Variants in ZNF215 observed in about 807,000 individuals in gnomAD.
ZNF215 encodes the protein zinc finger protein 215.
Under a neutral mutation model 27.2 loss-of-function variants are expected in ZNF215, and 24 were observed. The ratio of observed to expected loss-of-function variants is 0.88; its 90% CI spans 0.64 to 1.24. The LOEUF is 1.24. Ranked by LOEUF, ZNF215 falls within the 50% of genes most tolerant of loss-of-function variation. The pLI is 0.00. For synonymous variants in ZNF215, 210 were observed against 204.0 expected (o/e 1.03, Z -0.25); for missense variants, 675 against 605.7 (o/e 1.11, Z -1.20).
Position 6,970,401 on chromosome 11 carries a change from T to G in ZNF215, c.806-13728T>G, listed in dbSNP as rs900975664. On this transcript the variant is annotated intron_variant, in intron 5 of 5. Coordinates refer to the ZNF215 transcript ENST00000529903. Reference sequence around the variant, plus strand: ...ATATGAACAAATCTGTGAAAAGACATTCTTGTAACAAGTGGGGAAAATTGA... The same window carrying G: ...ATATGAACAAATCTGTGAAAAGACAGTCTTGTAACAAGTGGGGAAAATTGA... 4.6e-5 allele frequency among the ~76,000 whole-genome samples: 7 copies of G among 152,220 alleles called. No homozygotes were observed. In the South Asian group the frequency reaches 1.0e-3, roughly 23 times the overall value.
At chr11:6,988,222 C>A, downstream of ZNF215, 1 of 985,428 alleles carries the variant, frequency 1.0e-6, no homozygotes, top group South Asian at 4.7e-5. Flanking sequence ...ATAGGGAGAA[C>A]ACACTGAAGG....
At chr11:6,993,115 C>T (rs898752809), downstream of ZNF215, among the ~76,000 whole-genome samples, 3 of 152,140 alleles carry the variant, frequency 2.0e-5, no homozygotes, top group Non-Finnish European at 4.4e-5. Flanking sequence ...AGCCTACCCC[C>T]ACATAGACGT....
At chr11:6,952,157 T>C (rs11041113) in intron 6 of ZNF215, among the ~76,000 whole-genome samples, 43,733 of 152,092 alleles carry the variant, frequency 0.29, 7,613 homozygotes, top group Non-Finnish European at 0.38. Flanking sequence ...CTTCCAAGTA[T>C]GTGGTCAGTT....
At chr11:6,945,964 A>AT (rs1245258213) in intron 6 of ZNF215, among the ~76,000 whole-genome samples, 4 of 151,938 alleles carry the variant, frequency 2.6e-5, no homozygotes, top group African/African-American at 7.3e-5. Context: ...CTGAAGTCTG[A>AT]TTTTTTTTCC....
intron 6 of ZNF215, among the ~76,000 whole-genome samples, chr11:6,949,872 C>G (rs914759144): frequency 1.3e-3 from 196 of 152,150 alleles, no homozygotes; most frequent in Non-Finnish European, 2.3e-3. Flanking sequence ...TCAGGTCTAA[C>G]GTTTAAGTCT....
chr11:6,970,627 C>T (rs924804963), intron 5 of ZNF215, among the ~76,000 whole-genome samples: 1 of 152,054 alleles, frequency 6.6e-6, no homozygotes, highest in Non-Finnish European at 1.5e-5. Context: ...AAATTATTGA[C>T]ATTATTTGAA....
downstream of ZNF215, among the ~76,000 whole-genome samples, chr11:6,993,313 G>A (rs1315538993): frequency 6.6e-6 from 1 of 152,068 alleles, no homozygotes; most frequent in Non-Finnish European, 1.5e-5. Context: ...CTCTCTTAAG[G>A]TCTGGATTGG....
At chr11:6,984,837 C>G (rs1414618284), downstream of ZNF215, among the ~76,000 whole-genome samples, 1 of 115,400 alleles carries the variant, frequency 8.7e-6, no homozygotes, top group African/African-American at 3.6e-5. Flanking sequence ...TTACATTTCT[C>G]TTATAGAAAT....
chr11:6,962,215 A>C (rs1260141654), downstream of ZNF215, among the ~76,000 whole-genome samples: 1 of 152,176 alleles, frequency 6.6e-6, no homozygotes, highest in African/African-American at 2.4e-5. Context: ...AGTCATCACC[A>C]GAATCTAGGA....
chr11:6,932,437 GTA>G lies in ZNF215; in HGVS notation c.167_168del (p.Tyr56PhefsTer8). 1 of 1,614,168 alleles carries G rather than the reference GTA, an allele frequency of 6.2e-7. No individual in the cohort carries two copies. The highest frequency in any genetic ancestry group is 1.1e-5 in the South Asian group (1 of 91,080). ...ASRQKFRHFQYLKVSGPHEAL... is the reference protein window; with the variant it reads ...ASRQKFRHFQXLKVSGPHEAL... ...CTCGTCAAAAGTTCAGACATTTCCA[GTA>G]TTTGAAAGTGTCTGGGCCCCATGAA... On this transcript the variant is annotated frameshift_variant, in exon 3 of 7. Coordinates refer to ENST00000278319, the MANE Select transcript of ZNF215 (RefSeq NM_013250.4). LOFTEE classifies it high-confidence loss of function.
At chr11:6,943,270 A>G in intron 5 of ZNF215, 55 bp downstream of exon 5, 2 of 1,566,544 alleles carry the variant, frequency 1.3e-6, no homozygotes, top group Non-Finnish European at 1.7e-6. Context: ...TCCTACCGTT[A>G]AAAGCTATAG....
intron 5 of ZNF215, among the ~76,000 whole-genome samples, chr11:6,977,398 A>T (rs1590086521): frequency 6.6e-6 from 1 of 152,044 alleles, no homozygotes; most frequent in East Asian, 1.9e-4. Context: ...TAGATTTTTT[A>T]AAATATAGAT....
chr11:6,945,648 A>T (rs972696488), intron 6 of ZNF215, among the ~76,000 whole-genome samples: 1 of 152,144 alleles, frequency 6.6e-6, no homozygotes, highest in Non-Finnish European at 1.5e-5. Flanking sequence ...TTCTTAAAAC[A>T]TTTTTAGGTT....
chr11:6,929,618 T>C (rs1358431256), intron 2 of ZNF215, among the ~76,000 whole-genome samples: 1 of 152,198 alleles, frequency 6.6e-6, no homozygotes, highest in African/African-American at 2.4e-5. Context: ...ACTGGGGTTA[T>C]GGGTTTAGAG....
At chr11:6,948,047 C>T (rs1849887144) in intron 6 of ZNF215, among the ~76,000 whole-genome samples, 2 of 152,182 alleles carry the variant, frequency 1.3e-5, no homozygotes, top group Admixed American at 1.3e-4. Flanking sequence ...TATAGTGTCA[C>T]TTCTGCCACA....
At chr11:6,978,483 T>A (rs148936888) in intron 5 of ZNF215, among the ~76,000 whole-genome samples, 1,595 of 152,162 alleles carry the variant, frequency 0.01, 28 homozygotes, top group South Asian at 0.033. Context: ...AAACAAATAC[T>A]GAACTCTGAT....
chr11:6,950,273 T>G (rs1291904679), intron 6 of ZNF215, among the ~76,000 whole-genome samples: 9 of 148,036 alleles, frequency 6.1e-5, no homozygotes, highest in Non-Finnish European at 9.1e-5. Context: ...GTGAAGAAAG[T>G]CATTGGTAGC....
downstream of ZNF215, among the ~76,000 whole-genome samples, chr11:6,961,581 T>G (rs1850518280): frequency 6.6e-6 from 1 of 152,122 alleles, no homozygotes; most frequent in South Asian, 2.1e-4. Flanking sequence ...GTGCGGCAAT[T>G]CTGCAACACT....
chr11:6,974,359 G>A (rs1469852314), intron 5 of ZNF215, among the ~76,000 whole-genome samples: 3 of 152,172 alleles, frequency 2.0e-5, no homozygotes, highest in South Asian at 2.1e-4. Flanking sequence ...TTTGGCTTAG[G>A]ATTGACTTGG....
Sources: allele counts gnomAD v4.1 joint callset (sites outside exome capture counted in the v4.1 genomes callset), GRCh38; gene constraint gnomAD v4.1.1; transcripts MANE v1.5; gene names NCBI Gene and HGNC (gene_info 2026-07-23, HGNC 2026-07-21).